Variants in MYZAP observed in about 807,000 individuals in gnomAD.
The protein encoded by MYZAP is myocardial zonula adherens protein.
Under a neutral mutation model 69.4 loss-of-function variants are expected in MYZAP, and 66 were observed. The observed-to-expected ratio is 0.95, with a 90% CI of 0.78 to 1.17. The LOEUF (loss-of-function observed/expected upper bound fraction) is 1.17, where lower values mean the gene tolerates loss of function less well. Ranked by LOEUF, MYZAP falls within the 50% of genes most tolerant of loss-of-function variation. MYZAP has a pLI of 0.00. For missense variants in MYZAP, 611 were observed against 556.2 expected (o/e 1.10, Z -0.99); for synonymous variants, 256 against 205.9 (o/e 1.24, Z -2.09).
chr15:57,635,333 T>C (rs1340194908), intron 8 of MYZAP, among the ~76,000 whole-genome samples: 3 of 152,350 alleles, frequency 2.0e-5, no homozygotes, highest in East Asian at 1.9e-4. Flanking sequence ...CTATGATTTT[T>C]ACTCTGTTAC....
intron 2 of MYZAP, among the ~76,000 whole-genome samples, chr15:57,616,650 A>G (rs1355340864): frequency 4.0e-5 from 6 of 151,500 alleles, no homozygotes; most frequent in African/African-American, 9.7e-5. Context: ...CAAACAAACA[A>G]AATACAAAAA....
chr15:57,612,206 A>G lies in MYZAP; in HGVS notation c.163-5827A>G, dbSNP rs571347353. On this transcript the variant is annotated intron_variant, in intron 2 of 12. Coordinates refer to ENST00000267853, the MANE Select transcript of MYZAP (RefSeq NM_001018100.5). ...TGGCTGGAGAAAAGAGGTCTGAAGT[A>G]AGAAGTTTTGGAAATAACTTGGCTT... Among the ~76,000 whole-genome samples the G allele has an allele frequency of 2.0e-3, 298 of 152,284 alleles. 2 individuals carry two copies. Among genetic ancestry groups the G allele is most frequent in the Non-Finnish European group, 3.3e-3 (226 of 68,030 alleles).
chr15:57,611,852 G>T (rs777863320), intron 2 of MYZAP, among the ~76,000 whole-genome samples: 7 of 152,046 alleles, frequency 4.6e-5, no homozygotes, highest in Admixed American at 1.3e-4. Flanking sequence ...TATTCCTCCT[G>T]TCTCAGCCTC....
chr15:57,639,309 A>G lies in MYZAP; in HGVS notation c.1014-131A>G, dbSNP rs2140464154. 11 of 945,076 alleles carry G rather than the reference A, an allele frequency of 1.2e-5. No individual in the cohort carries two copies. The South Asian group carries it at 1.7e-4, about 14-fold the overall frequency. 58.5% of individuals were successfully genotyped at this position (945,076 alleles called of 1,614,324 possible). On this transcript the variant is annotated intron_variant, in intron 9 of 12. Coordinates refer to ENST00000267853, the MANE Select transcript of MYZAP (RefSeq NM_001018100.5). The stretch of plus-strand genomic sequence containing the variant: ...CAGTCCTCCTGCCTTGGCCTCTTGA[A>G]GTGTTGGGATTACAGGCATGAGCCG...
intron 11 of MYZAP, among the ~76,000 whole-genome samples, 188 bp downstream of exon 11, chr15:57,661,721 A>G (rs181186731): frequency 6.6e-6 from 1 of 152,126 alleles, no homozygotes; most frequent in Admixed American, 6.6e-5. Flanking sequence ...GACTCCCCTC[A>G]TTCCAGTTGC....
chr15:57,683,953 C>T (rs2039562795), intron 12 of MYZAP, among the ~76,000 whole-genome samples: 1 of 152,182 alleles, frequency 6.6e-6, no homozygotes, highest in Non-Finnish European at 1.5e-5. Context: ...TGCCATCATG[C>T]CCAGCTAATT....
intron 1 of MYZAP, among the ~76,000 whole-genome samples, chr15:57,592,784 G>T: frequency 6.6e-6 from 1 of 152,164 alleles, no homozygotes; most frequent in Non-Finnish European, 1.5e-5. Context: ...CATCTCTCCA[G>T]ATGCTCTGTA....
chr15:57,649,214 A>C (rs1474769010), intron 10 of MYZAP, among the ~76,000 whole-genome samples: 1 of 152,188 alleles, frequency 6.6e-6, no homozygotes, highest in African/African-American at 2.4e-5. Flanking sequence ...CTAACTAGGA[A>C]GTATACGTAA....
chr15:57,677,028 G>A (rs1418997832), intron 12 of MYZAP, among the ~76,000 whole-genome samples: 8 of 152,156 alleles, frequency 5.3e-5, no homozygotes, highest in African/African-American at 1.7e-4. Context: ...TCGTTTCCTC[G>A]CAAATATTTA....
intron 2 of MYZAP, among the ~76,000 whole-genome samples, chr15:57,609,907 C>T (rs1198910220): frequency 6.6e-6 from 1 of 151,998 alleles, no homozygotes; most frequent in Non-Finnish European, 1.5e-5. Context: ...TATTCTTATC[C>T]ATAGTCATGT....
chr15:57,634,943 A>T (rs1183322244), intron 8 of MYZAP, among the ~76,000 whole-genome samples: 1 of 152,108 alleles, frequency 6.6e-6, no homozygotes, highest in African/African-American at 2.4e-5. Context: ...CTCCCACATT[A>T]TTGTCCTCCT....
intron 8 of MYZAP, among the ~76,000 whole-genome samples, chr15:57,637,408 A>G (rs2036877928): frequency 6.6e-6 from 1 of 152,310 alleles, no homozygotes. Flanking sequence ...GATAATCAGT[A>G]TTTGGGGCTA....
At chr15:57,631,349 CCAGGCCTTTAA>C (rs1206676446) in intron 6 of MYZAP, among the ~76,000 whole-genome samples, 1 of 152,020 alleles carries the variant, frequency 6.6e-6, no homozygotes, top group Non-Finnish European at 1.5e-5. Context: ...TCCCTGGAGT[CCAGGCCTTTAA>C]CTCCAGCCCA....
intron 10 of MYZAP, among the ~76,000 whole-genome samples, chr15:57,649,443 A>G (rs1256072567): frequency 1.3e-5 from 2 of 152,200 alleles, no homozygotes; most frequent in African/African-American, 4.8e-5. Context: ...CTGATTACTC[A>G]TTGAAACTTG....
At chr15:57,607,840 T>C (rs1368783545) in intron 2 of MYZAP, among the ~76,000 whole-genome samples, 1 of 152,178 alleles carries the variant, frequency 6.6e-6, no homozygotes, top group Non-Finnish European at 1.5e-5. Context: ...CTGAGTGATT[T>C]CGTCACCATG....
At chr15:57,630,911 C>T (rs976594759) in intron 6 of MYZAP, among the ~76,000 whole-genome samples, 5 of 152,154 alleles carry the variant, frequency 3.3e-5, no homozygotes, top group African/African-American at 4.8e-5. Flanking sequence ...GGGAGACAAA[C>T]TGGGAAGTGT....
At chr15:57,607,242 G>C (rs1032898978) in intron 2 of MYZAP, among the ~76,000 whole-genome samples, 1 of 152,178 alleles carries the variant, frequency 6.6e-6, no homozygotes, top group African/African-American at 2.4e-5. Context: ...CAAGCTTCAT[G>C]CCTTGGGAGA....
chr15:57,665,932 C>T (rs929986021), intron 11 of MYZAP, among the ~76,000 whole-genome samples: 5 of 152,196 alleles, frequency 3.3e-5, no homozygotes, highest in Non-Finnish European at 7.3e-5. Flanking sequence ...CAGAGTAACT[C>T]TGGGCAGGTA....
At chr15:57,658,262 C>G (rs1238475921) in intron 10 of MYZAP, among the ~76,000 whole-genome samples, 3 of 152,120 alleles carry the variant, frequency 2.0e-5, no homozygotes, top group African/African-American at 4.8e-5. Flanking sequence ...AAGCAAATCC[C>G]AGACATTCTG....
Sources: allele counts gnomAD v4.1 joint callset (sites outside exome capture counted in the v4.1 genomes callset), GRCh38; gene constraint gnomAD v4.1.1; transcripts MANE v1.5; gene names NCBI Gene and HGNC (gene_info 2026-07-23, HGNC 2026-07-21).